Variants in CYTH3 observed in about 807,000 individuals in gnomAD.
CYTH3 encodes cytohesin-3.
CYTH3 carries 23 observed loss-of-function variants against 55.1 expected under a neutral mutation model. The observed-to-expected ratio is 0.42, with a 90% CI of 0.30 to 0.59. CYTH3 has a LOEUF of 0.59. CYTH3 is among the 20% of genes least tolerant of loss of function. CYTH3 has a pLI of 0.20. For synonymous variants in CYTH3, 249 were observed against 194.9 expected (o/e 1.28, Z -2.31); for missense variants, 413 against 524.8 (o/e 0.79, Z 2.08).
At chr7:6,221,440 T>C (rs922039045) in intron 1 of CYTH3, among the ~76,000 whole-genome samples, 1 of 152,126 alleles carries the variant, frequency 6.6e-6, no homozygotes, top group African/African-American at 2.4e-5. Flanking sequence ...ACAACTGGGG[T>C]AGTAGGAGGG....
At chr7:6,222,209 C>A (rs892170721) in intron 1 of CYTH3, among the ~76,000 whole-genome samples, 1 of 152,126 alleles carries the variant, frequency 6.6e-6, no homozygotes, top group Non-Finnish European at 1.5e-5. Flanking sequence ...GAAAAAGCAG[C>A]CAGACTTCCA....
At chr7:6,225,761 C>G (rs1779234165) in intron 1 of CYTH3, among the ~76,000 whole-genome samples, 1 of 151,620 alleles carries the variant, frequency 6.6e-6, no homozygotes, top group South Asian at 2.1e-4. Context: ...CTCACTGCAA[C>G]CTCCGCCTCC....
intron 1 of CYTH3, among the ~76,000 whole-genome samples, chr7:6,272,273 C>A (rs1414228949): frequency 6.6e-6 from 1 of 151,844 alleles, no homozygotes; most frequent in Non-Finnish European, 1.5e-5. Flanking sequence ...ACGGCGACCC[C>A]GGCCCGCCCC....
intron 4 of CYTH3, among the ~76,000 whole-genome samples, chr7:6,184,227 A>C (rs1048825121): frequency 6.6e-6 from 1 of 150,784 alleles, no homozygotes; most frequent in Non-Finnish European, 1.5e-5. Context: ...CACCCGGCTA[A>C]TTTTTTGTAT....
At chr7:6,229,692 C>T (rs1260319737) in intron 1 of CYTH3, among the ~76,000 whole-genome samples, 1 of 151,356 alleles carries the variant, frequency 6.6e-6, no homozygotes, top group Non-Finnish European at 1.5e-5. Context: ...TGGGAGGTGC[C>T]TGTCATCCCA....
intron 1 of CYTH3, 65 bp downstream of exon 1, chr7:6,272,409 C>CGGGGGGGGGG: frequency 8.6e-4 from 1,040 of 1,209,526 alleles, no homozygotes; most frequent in Middle Eastern, 2.2e-3. Flanking sequence ...GCCGCGCCCT[C>CGGGGGGGGGG]GACCCCCAGC....
At chr7:6,196,642 G>T (rs1783940219) in intron 1 of CYTH3, among the ~76,000 whole-genome samples, 3 of 151,926 alleles carry the variant, frequency 2.0e-5, no homozygotes, top group Non-Finnish European at 4.4e-5. Context: ...TATGTTTTTA[G>T]TAGAGACGGG....
intron 1 of CYTH3, among the ~76,000 whole-genome samples, chr7:6,223,413 GAA>G (rs1175075066): frequency 4.6e-5 from 7 of 152,240 alleles, no homozygotes; most frequent in Non-Finnish European, 1.0e-4. Flanking sequence ...GTGGGGAAAA[GAA>G]AGAGAGATCA....
chr7:6,270,586 C>T (rs888570465), intron 1 of CYTH3, among the ~76,000 whole-genome samples: 1 of 152,056 alleles, frequency 6.6e-6, no homozygotes, highest in Non-Finnish European at 1.5e-5. Context: ...ATGTATAAAA[C>T]TGCTTATTTT....
chr7:6,201,055 T>C (rs1458759612), intron 1 of CYTH3, among the ~76,000 whole-genome samples: 5 of 152,198 alleles, frequency 3.3e-5, no homozygotes, highest in Non-Finnish European at 5.9e-5. Context: ...CCACCTTGCC[T>C]GGCTCAACTG....
intron 1 of CYTH3, among the ~76,000 whole-genome samples, chr7:6,245,611 A>G (rs1779792718): frequency 6.6e-6 from 1 of 152,188 alleles, no homozygotes; most frequent in Non-Finnish European, 1.5e-5. Flanking sequence ...AATTACCTCA[A>G]AAGAGTTTGG....
intron 1 of CYTH3, among the ~76,000 whole-genome samples, chr7:6,241,740 G>A (rs1187138274): frequency 6.6e-6 from 1 of 152,102 alleles, no homozygotes; most frequent in African/African-American, 2.4e-5. Context: ...GTTGCAGTGG[G>A]GAGGGAAAGA....
At chr7:6,168,159 C>G (rs928386044) in intron 9 of CYTH3, among the ~76,000 whole-genome samples, 1 of 151,922 alleles carries the variant, frequency 6.6e-6, no homozygotes, top group African/African-American at 2.4e-5. Flanking sequence ...CGTACGTGCA[C>G]ACACAGGTCC....
chr7:6,174,887 T>C (rs1783304791), intron 5 of CYTH3, among the ~76,000 whole-genome samples: 1 of 152,208 alleles, frequency 6.6e-6, no homozygotes, highest in Non-Finnish European at 1.5e-5. Context: ...GATGATCAAT[T>C]GAGCATTTTT....
intron 1 of CYTH3, among the ~76,000 whole-genome samples, chr7:6,235,416 T>A (rs1312898428): frequency 6.8e-6 from 1 of 148,096 alleles, no homozygotes; most frequent in African/African-American, 2.5e-5. Context: ...GAGGGTGCAG[T>A]CAGCCAAGAT....
At chr7:6,228,975 T>A (rs1159344520) in intron 1 of CYTH3, among the ~76,000 whole-genome samples, 3 of 152,126 alleles carry the variant, frequency 2.0e-5, no homozygotes. Context: ...TTCTGAAGGC[T>A]CCTAGGGCAC....
intron 1 of CYTH3, 29 bp from the exon 2 acceptor site, chr7:6,190,560 T>C (rs1476684628): frequency 3.4e-6 from 5 of 1,485,736 alleles, no homozygotes; most frequent in Non-Finnish European, 4.4e-6. Flanking sequence ...AATTAACTAC[T>C]TTGGAGAACA....
At chr7:6,259,746 ATATATATATATTAT>A (rs1780234955) in intron 1 of CYTH3, among the ~76,000 whole-genome samples, 1 of 17,482 alleles carries the variant, frequency 5.7e-5, no homozygotes, top group Non-Finnish European at 9.9e-5. Flanking sequence ...TATATATAAT[ATATATATATATTAT>A]ATATATATAT....
Position 6,164,593 on chromosome 7 carries a change from G to A in CYTH3, c.*351C>T, listed in dbSNP as rs182714989. Reference sequence around the variant, plus strand: ...GTCCCGTGTCTGCTGTGGAGACAGCGGAAGCTGCTGTCCTGGCTTCTCCCC... The same window carrying A: ...GTCCCGTGTCTGCTGTGGAGACAGCAGAAGCTGCTGTCCTGGCTTCTCCCC... On this transcript the variant is annotated 3_prime_UTR_variant, in exon 13 of 13. Transcript: ENST00000350796. 3.5e-4 allele frequency: 110 copies of A among 317,816 alleles called. No homozygotes were observed. Among genetic ancestry groups the A allele is most frequent in the Non-Finnish European group, 5.6e-4 (95 of 168,598 alleles). 19.7% of individuals were successfully genotyped at this position (317,816 alleles called of 1,614,324 possible).
Sources: allele counts gnomAD v4.1 joint callset (sites outside exome capture counted in the v4.1 genomes callset), GRCh38; gene constraint gnomAD v4.1.1; transcripts MANE v1.5; gene names NCBI Gene and HGNC (gene_info 2026-07-23, HGNC 2026-07-21).